DLG2: variants seen among roughly 807,000 people sequenced by gnomAD.
DLG2 encodes the protein disks large homolog 2.
Under a neutral mutation model 132.5 loss-of-function variants are expected in DLG2, and 45 were observed. That is an observed-to-expected ratio of 0.34 (90% CI 0.27 to 0.44). The LOEUF (loss-of-function observed/expected upper bound fraction) is 0.44, where lower values mean the gene tolerates loss of function less well. Among genes scored for constraint, DLG2 ranks in the 20% least tolerant of loss-of-function variants. DLG2 has a pLI of 1.00. For missense variants in DLG2, 1,045 were observed against 1,196.9 expected (o/e 0.87, Z 1.87); for synonymous variants, 424 against 419.6 (o/e 1.01, Z -0.13).
intron 7 of DLG2, among the ~76,000 whole-genome samples, chr11:84,358,014 T>C (rs1012655110): frequency 5.9e-5 from 9 of 152,032 alleles, no homozygotes; most frequent in Non-Finnish European, 1.3e-4. Flanking sequence ...TTTATAGTAC[T>C]ATTATAATAC....
At chr11:85,013,302 G>A (rs899238078) in intron 6 of DLG2, among the ~76,000 whole-genome samples, 5 of 152,136 alleles carry the variant, frequency 3.3e-5, no homozygotes, top group Non-Finnish European at 7.3e-5. Context: ...GCTTCTGTCT[G>A]ACTCCCTCTT....
At chr11:84,703,070 CA>C (rs2059372453) in intron 6 of DLG2, among the ~76,000 whole-genome samples, 1 of 151,430 alleles carries the variant, frequency 6.6e-6, no homozygotes, top group African/African-American at 2.4e-5. Context: ...AAAGTTTCAC[CA>C]AAAATTCTTA....
chr11:83,647,917 T>C (rs2068749875), intron 18 of DLG2: 1 of 152,182 alleles, frequency 6.6e-6, no homozygotes, highest in South Asian at 2.1e-4. Context: ...CATCATCACA[T>C]GTTCTATATC....
intron 3 of DLG2, among the ~76,000 whole-genome samples, chr11:85,317,746 G>T (rs1173628429): frequency 1.3e-5 from 2 of 151,880 alleles, no homozygotes; most frequent in African/African-American, 4.8e-5. Flanking sequence ...AAGATACACT[G>T]GGGCCTATTG....
intron 6 of DLG2, among the ~76,000 whole-genome samples, chr11:84,954,349 A>T (rs1294169874): frequency 7.9e-6 from 1 of 126,168 alleles, no homozygotes; most frequent in African/African-American, 2.9e-5. Context: ...ATCTTAAAGG[A>T]TAAAAAAAAA....
chr11:85,301,385 T>C (rs558894218), intron 3 of DLG2, among the ~76,000 whole-genome samples: 28 of 152,212 alleles, frequency 1.8e-4, no homozygotes, highest in Middle Eastern at 6.8e-3. Flanking sequence ...ATATACGTTC[T>C]ATAAAGGTGG....
chr11:85,377,458 G>A (rs920796944), intron 3 of DLG2, among the ~76,000 whole-genome samples: 1 of 151,902 alleles, frequency 6.6e-6, no homozygotes, highest in African/African-American at 2.4e-5. Context: ...AAAAGTACTG[G>A]GCTTGAATGT....
chr11:84,220,789 T>A (rs1597736764), intron 8 of DLG2, among the ~76,000 whole-genome samples: 1 of 138,140 alleles, frequency 7.2e-6, no homozygotes, highest in South Asian at 2.5e-4. Flanking sequence ...TCTTTTTTTT[T>A]TTTTTTTTTT....
intron 17 of DLG2, among the ~76,000 whole-genome samples, chr11:83,787,545 T>A (rs2040358676): frequency 2.0e-5 from 3 of 151,828 alleles, no homozygotes; most frequent in Admixed American, 2.0e-4. Flanking sequence ...ATGGTCTCGA[T>A]CTCCTGACCT....
At chr11:84,239,832 C>CTAG (rs1176628533) in intron 8 of DLG2, among the ~76,000 whole-genome samples, 1 of 152,198 alleles carries the variant, frequency 6.6e-6, no homozygotes, top group African/African-American at 2.4e-5. Flanking sequence ...ACTATAAAGG[C>CTAG]TAGCACTTGA....
chr11:84,908,421 T>C (rs1309011222), intron 6 of DLG2, among the ~76,000 whole-genome samples: 3 of 152,160 alleles, frequency 2.0e-5, no homozygotes, highest in Non-Finnish European at 4.4e-5. Context: ...ATGTGTCCAG[T>C]CGTTACTCTA....
At chr11:85,392,216 A>G (rs2086859225) in intron 3 of DLG2, among the ~76,000 whole-genome samples, 1 of 152,126 alleles carries the variant, frequency 6.6e-6, no homozygotes, top group Non-Finnish European at 1.5e-5. Context: ...AATACTTAGG[A>G]ATATACTTAA....
intron 7 of DLG2, among the ~76,000 whole-genome samples, chr11:84,457,470 G>T (rs145971186): frequency 6.2e-4 from 94 of 151,172 alleles, no homozygotes; most frequent in African/African-American, 2.2e-3. Flanking sequence ...ATATTACAAA[G>T]TGCTAAACTA....
chr11:84,594,458 T>A (rs2099551528), intron 6 of DLG2, among the ~76,000 whole-genome samples: 1 of 152,136 alleles, frequency 6.6e-6, no homozygotes, highest in Admixed American at 6.6e-5. Context: ...AAACTTAAAT[T>A]GGTTTTTCAA....
chr11:83,745,778 G>T (rs2092863024), intron 18 of DLG2, among the ~76,000 whole-genome samples: 1 of 151,866 alleles, frequency 6.6e-6, no homozygotes, highest in Admixed American at 6.6e-5. Flanking sequence ...CTCCAGCCTG[G>T]GTGTCAGAGT....
Position 84,814,187 on chromosome 11 carries a change from T to C in DLG2, c.358-279456A>G, listed in dbSNP as rs371387046. Among the ~76,000 whole-genome samples the C allele has an allele frequency of 8.5e-5, 13 of 152,200 alleles. No individual in the cohort carries two copies. The East Asian group carries it at 1.9e-3, about 23-fold the overall frequency. On this transcript the variant is annotated intron_variant, in intron 6 of 27. Coordinates refer to ENST00000376104, the MANE Select transcript of DLG2 (RefSeq NM_001142699.3). Reference sequence around the variant, plus strand: ...TTTGCAGTGGATTGCTGAGCTGTGATCATTCATGTGAATTAGTTAGAGACT... The same window carrying C: ...TTTGCAGTGGATTGCTGAGCTGTGACCATTCATGTGAATTAGTTAGAGACT...
rs952744177 is a variant in DLG2 at position 85,202,994 on chromosome 11, GAACA to G, written c.187-48347_187-48344del. On this transcript the variant is annotated intron_variant, in intron 4 of 27. Transcript: ENST00000376104. ...TGCACCTCACAGAGCTAGAAAATAAGAACAAACCCAACTTATATTATTAAATAAA... is the reference window on the plus strand; with the variant it reads ...TGCACCTCACAGAGCTAGAAAATAAGAACCCAACTTATATTATTAAATAAA... 4.7e-5 allele frequency among the ~76,000 whole-genome samples: 7 copies of G among 150,524 alleles called. No homozygotes were observed. The East Asian group carries it at 1.2e-3, about 25-fold the overall frequency.
chr11:83,602,313 A>G (rs17145701), intron 19 of DLG2, among the ~76,000 whole-genome samples: 14,678 of 152,290 alleles, frequency 0.096, 878 homozygotes, highest in East Asian at 0.22. Flanking sequence ...TGCAAAATGC[A>G]TGTGCGTTCA....
intron 4 of DLG2, among the ~76,000 whole-genome samples, chr11:85,231,078 T>C (rs953293832): frequency 2.0e-5 from 3 of 152,042 alleles, no homozygotes; most frequent in Non-Finnish European, 4.4e-5. Flanking sequence ...AGTGGACTAA[T>C]ACATGTAGGT....
Sources: gnomAD v4.1 joint callset for allele counts (sites outside exome capture counted in the v4.1 genomes callset) on GRCh38, gnomAD v4.1.1 for gene constraint, MANE v1.5 for transcripts, NCBI Gene and HGNC (gene_info 2026-07-23, HGNC 2026-07-21) for gene names.